The following CNBD1 variants were observed in gnomAD, a reference collection of about 807,000 sequenced individuals.
CNBD1 encodes the protein cyclic nucleotide-binding domain-containing protein 1.
CNBD1 carries 71 observed loss-of-function variants against 54.4 expected under a neutral mutation model. The ratio of observed to expected loss-of-function variants is 1.30; its 90% CI spans 1.08 to 1.59. CNBD1 has a LOEUF of 1.59. Among genes scored for constraint, CNBD1 ranks in the 40% most tolerant of loss-of-function variants. The pLI is 0.00. For missense variants in CNBD1, 659 were observed against 518.0 expected, an observed-to-expected ratio of 1.27 and a Z score of -2.64; for synonymous variants, 182 against 170.7, an observed-to-expected ratio of 1.07 and a Z score of -0.51.
intron 2 of CNBD1, among the ~76,000 whole-genome samples, chr8:87,397,657 T>C (rs1811433563): frequency 6.6e-6 from 1 of 151,950 alleles, no homozygotes; most frequent in East Asian, 1.9e-4. Context: ...ACCACATATA[T>C]GCAATTGTGG....
chr8:87,389,200 A>G (rs543113118), intron 2 of CNBD1, among the ~76,000 whole-genome samples: 146 of 152,330 alleles, frequency 9.6e-4, no homozygotes, highest in Non-Finnish European at 1.7e-3. Context: ...CAAGACAGGG[A>G]TGCCCTCTCT....
intron 4 of CNBD1, among the ~76,000 whole-genome samples, chr8:87,065,534 C>T (rs1810630867): frequency 6.6e-6 from 1 of 151,900 alleles, no homozygotes; most frequent in African/African-American, 2.4e-5. Context: ...TATGAGAATG[C>T]AGTTCTTTGA....
intron 6 of CNBD1, among the ~76,000 whole-genome samples, chr8:87,257,425 T>C (rs56038713): frequency 6.7e-6 from 1 of 150,352 alleles, no homozygotes; most frequent in Admixed American, 6.6e-5. Flanking sequence ...TAAATGTTTA[T>C]GTGGCCAATC....
At chr8:87,366,404 C>G (rs1425970905) in intron 10 of CNBD1, among the ~76,000 whole-genome samples, 2 of 152,030 alleles carry the variant, frequency 1.3e-5, no homozygotes, top group African/African-American at 4.8e-5. Flanking sequence ...CTGCTCCATC[C>G]ATCTGGCCCT....
chr8:87,317,755 G>A (rs1809422510), intron 8 of CNBD1, among the ~76,000 whole-genome samples: 1 of 151,730 alleles, frequency 6.6e-6, no homozygotes, highest in Non-Finnish European at 1.5e-5. Context: ...TCAAATATTG[G>A]GTGGAAAAAT....
chr8:87,029,256 C>T (rs552478293), intron 4 of CNBD1, among the ~76,000 whole-genome samples: 2 of 152,018 alleles, frequency 1.3e-5, no homozygotes, highest in Non-Finnish European at 2.9e-5. Context: ...GACCAATATA[C>T]GTGAAAAGTG....
At chr8:87,395,567 AC>A (rs556140799) in intron 2 of CNBD1, among the ~76,000 whole-genome samples, 1 of 151,940 alleles carries the variant, frequency 6.6e-6, no homozygotes, top group South Asian at 2.1e-4. Context: ...AAACAGTGGT[AC>A]TAAACCTTTG....
At chr8:87,178,337 T>C (rs536357536) in intron 4 of CNBD1, among the ~76,000 whole-genome samples, 2 of 152,256 alleles carry the variant, frequency 1.3e-5, no homozygotes, top group South Asian at 4.2e-4. Flanking sequence ...CAATGAGAAG[T>C]TGACATTTGA....
intron 5 of CNBD1, among the ~76,000 whole-genome samples, chr8:87,224,016 GT>G (rs1814413749): frequency 6.6e-6 from 1 of 151,896 alleles, no homozygotes; most frequent in Non-Finnish European, 1.5e-5. Context: ...TTTTTCATGT[GT>G]TTTTTGGCTG....
intron 8 of CNBD1, among the ~76,000 whole-genome samples, chr8:87,349,447 C>G (rs747832252): frequency 6.6e-6 from 1 of 152,186 alleles, no homozygotes; most frequent in African/African-American, 2.4e-5. Flanking sequence ...ATGAGCTCAG[C>G]TCACTGCAAC....
intron 2 of CNBD1, among the ~76,000 whole-genome samples, chr8:87,414,529 T>C (rs1222141744): frequency 4.6e-5 from 7 of 151,598 alleles, no homozygotes; most frequent in Non-Finnish European, 8.9e-5. Context: ...TAATAATAAA[T>C]AAAAAAAGAA....
At chr8:87,369,034 T>A (rs888543763) in intron 10 of CNBD1, among the ~76,000 whole-genome samples, 1 of 151,846 alleles carries the variant, frequency 6.6e-6, no homozygotes, top group Non-Finnish European at 1.5e-5. Context: ...ACAACAACTA[T>A]ACTTTACTAA....
intron 4 of CNBD1, among the ~76,000 whole-genome samples, chr8:87,075,435 C>CA (rs1249088356): frequency 2.0e-5 from 3 of 152,026 alleles, no homozygotes; most frequent in African/African-American, 4.8e-5. Flanking sequence ...GGTCTCTCAC[C>CA]AAAAAAAGTA....
chr8:87,123,443 G>A (rs1811928684), intron 4 of CNBD1, among the ~76,000 whole-genome samples: 1 of 151,636 alleles, frequency 6.6e-6, no homozygotes, highest in Non-Finnish European at 1.5e-5. Flanking sequence ...AATCAAAAAG[G>A]AAATAAATAT....
intron 4 of CNBD1, among the ~76,000 whole-genome samples, chr8:87,153,676 T>C (rs1157524422): frequency 6.6e-6 from 1 of 152,218 alleles, no homozygotes; most frequent in Non-Finnish European, 1.5e-5. Context: ...TGGCTACTTA[T>C]AGCTCAACTA....
At chr8:87,233,613 T>C (rs552203356) in intron 5 of CNBD1, among the ~76,000 whole-genome samples, 1 of 152,212 alleles carries the variant, frequency 6.6e-6, no homozygotes, top group South Asian at 2.1e-4. Context: ...GTGCTGAAGA[T>C]ATGGGTGGTT....
intron 4 of CNBD1, among the ~76,000 whole-genome samples, chr8:86,970,986 A>G (rs568318235): frequency 1.3e-5 from 2 of 152,328 alleles, no homozygotes; most frequent in South Asian, 2.1e-4. Flanking sequence ...TTCTTTGCCA[A>G]AAATCTTCAT....
intron 6 of CNBD1, among the ~76,000 whole-genome samples, chr8:87,242,612 G>T (rs1209551306): frequency 6.6e-6 from 1 of 152,102 alleles, no homozygotes; most frequent in Non-Finnish European, 1.5e-5. Context: ...TTTCCAGATA[G>T]AACCAATGCA....
chr8:86,992,227 CT>C (rs142515359), intron 4 of CNBD1, among the ~76,000 whole-genome samples: 3 of 151,050 alleles, frequency 2.0e-5, no homozygotes, highest in East Asian at 2.0e-4. Context: ...ATAGTTAAGT[CT>C]TTTTTTTTAA....
Sources: allele counts gnomAD v4.1 joint callset (sites outside exome capture counted in the v4.1 genomes callset), GRCh38; gene constraint gnomAD v4.1.1; transcripts MANE v1.5; gene names NCBI Gene and HGNC (gene_info 2026-07-23, HGNC 2026-07-21).